ANKS1B: variants seen among roughly 807,000 people sequenced by gnomAD.
ANKS1B encodes the protein ankyrin repeat and sterile alpha motif domain containing 1B.
ANKS1B carries 36 observed loss-of-function variants against 148.3 expected under a neutral mutation model. The ratio of observed to expected loss-of-function variants is 0.24; its 90% CI spans 0.19 to 0.32. ANKS1B has a LOEUF of 0.32. ANKS1B is among the 10% of genes least tolerant of loss of function. The pLI is 1.00. For missense variants in ANKS1B, 1,157 were observed against 1,542.6 expected (o/e 0.75, Z 4.19); for synonymous variants, 542 against 560.8 (o/e 0.97, Z 0.47).
chr12:99,048,010 C>G (rs1423268452), intron 17 of ANKS1B, among the ~76,000 whole-genome samples: 1 of 152,068 alleles, frequency 6.6e-6, no homozygotes, highest in Non-Finnish European at 1.5e-5. Flanking sequence ...AATTTTTGAA[C>G]AAGGGGCCCT....
intron 15 of ANKS1B, among the ~76,000 whole-genome samples, chr12:99,150,797 G>C (rs1282545391): frequency 6.6e-6 from 1 of 152,018 alleles, no homozygotes. Context: ...AATGTCAGAA[G>C]GCATGGCAGC....
intron 8 of ANKS1B, among the ~76,000 whole-genome samples, chr12:99,720,635 A>T (rs1371212752): frequency 2.0e-5 from 3 of 152,168 alleles, no homozygotes; most frequent in Non-Finnish European, 4.4e-5. Flanking sequence ...CTTTTCTCAG[A>T]ATTCAGGCCT....
At chr12:99,179,212 A>C (rs1433893153) in intron 14 of ANKS1B, among the ~76,000 whole-genome samples, 1 of 151,822 alleles carries the variant, frequency 6.6e-6, no homozygotes, top group African/African-American at 2.4e-5. Context: ...GCGGATCACG[A>C]GGTCAGGAGA....
At chr12:99,340,274 A>G (rs1282064548) in intron 12 of ANKS1B, among the ~76,000 whole-genome samples, 1 of 152,140 alleles carries the variant, frequency 6.6e-6, no homozygotes, top group Non-Finnish European at 1.5e-5. Context: ...AGCTGCTCTC[A>G]GTGAACTGCT....
intron 8 of ANKS1B, among the ~76,000 whole-genome samples, chr12:99,771,803 A>T (rs529722325): frequency 2.6e-4 from 39 of 152,236 alleles, no homozygotes; most frequent in Non-Finnish European, 5.3e-4. Context: ...CAGGCCAAGG[A>T]GGTAGGACTA....
At chr12:99,238,135 C>T (rs111972947) in intron 14 of ANKS1B, among the ~76,000 whole-genome samples, 3,429 of 152,324 alleles carry the variant, frequency 0.023, 129 homozygotes, top group African/African-American at 0.078. Flanking sequence ...GGGGATTTCC[C>T]CTTCCTAGCC....
rs533781845 is a variant in ANKS1B, at chr12:98,751,558, C to T, written c.3580-36G>A. ...AATGAGAAAGCATTTGCTACTGGCA[C>T]ACTGCAAATTAGAATGGGTCGAATG... On this transcript the variant is annotated intron_variant, in intron 25 of 26. Coordinates refer to ENST00000683438, the MANE Select transcript of ANKS1B (RefSeq NM_001352186.2). The surrounding 1 kb of genome is among the most constrained non-coding windows in gnomAD (Gnocchi z 4.3). 3 of 1,604,478 alleles carry T rather than the reference C, an allele frequency of 1.9e-6. No individual in the cohort carries two copies. Among genetic ancestry groups the T allele is most frequent in the Non-Finnish European group, 8.5e-7 (1 of 1,172,904 alleles).
chr12:99,010,252 G>A (rs551590442), intron 17 of ANKS1B, among the ~76,000 whole-genome samples: 8 of 152,294 alleles, frequency 5.3e-5, no homozygotes, highest in East Asian at 3.9e-4. Flanking sequence ...TAATTTAACC[G>A]CTCTGTGCTT....
chr12:98,987,461 T>C (rs1016917402), intron 17 of ANKS1B, among the ~76,000 whole-genome samples: 25 of 152,046 alleles, frequency 1.6e-4, no homozygotes, highest in Non-Finnish European at 2.9e-4. Context: ...AGCAAAATAA[T>C]AACAACAACA....
chr12:98,933,042 G>A (rs1363863885), intron 17 of ANKS1B, among the ~76,000 whole-genome samples: 1 of 152,148 alleles, frequency 6.6e-6, no homozygotes, highest in African/African-American at 2.4e-5. Flanking sequence ...ATTGTTGACT[G>A]TAAGGACAAT....
intron 1 of ANKS1B, among the ~76,000 whole-genome samples, chr12:99,942,673 G>T (rs1215338021): frequency 6.6e-6 from 1 of 152,050 alleles, no homozygotes; most frequent in Non-Finnish European, 1.5e-5. Context: ...TAAAATACTT[G>T]ATGTATTCAT....
chr12:98,832,785 C>G (rs751079270), intron 17 of ANKS1B, among the ~76,000 whole-genome samples: 12 of 152,144 alleles, frequency 7.9e-5, no homozygotes, highest in Non-Finnish European at 1.5e-4. Context: ...TTATCACACT[C>G]TAAAAGCACT....
intron 1 of ANKS1B, among the ~76,000 whole-genome samples, chr12:99,983,049 A>C (rs2153867723): frequency 6.6e-6 from 1 of 152,322 alleles, no homozygotes; most frequent in South Asian, 2.1e-4. Context: ...GTTTTTAAAA[A>C]ACCAGGGAAA....
chr12:99,130,950 C>A (rs571778020), intron 15 of ANKS1B, among the ~76,000 whole-genome samples: 5 of 152,214 alleles, frequency 3.3e-5, no homozygotes, highest in Non-Finnish European at 7.3e-5. Context: ...AAGACCACTT[C>A]TGTGACATCA....
chr12:99,037,868 C>T (rs1487153689), intron 17 of ANKS1B, among the ~76,000 whole-genome samples: 1 of 152,154 alleles, frequency 6.6e-6, no homozygotes, highest in Non-Finnish European at 1.5e-5. Flanking sequence ...TATATCTACA[C>T]AAGGATGCTG....
At chr12:99,837,073 A>G (rs2084965144) in intron 1 of ANKS1B, among the ~76,000 whole-genome samples, 5 of 152,190 alleles carry the variant, frequency 3.3e-5, no homozygotes, top group Admixed American at 2.6e-4. Context: ...GCCCCATGTA[A>G]TTACAAGTGG....
At chr12:99,839,693 TG>T (rs1261676515) in intron 1 of ANKS1B, among the ~76,000 whole-genome samples, 1 of 152,134 alleles carries the variant, frequency 6.6e-6, no homozygotes, top group Non-Finnish European at 1.5e-5. Flanking sequence ...CGCTATCAAA[TG>T]AGTACTATAA....
chr12:99,776,112 T>G, intron 6 of ANKS1B, among the ~76,000 whole-genome samples: 1 of 152,228 alleles, frequency 6.6e-6, no homozygotes, highest in Non-Finnish European at 1.5e-5. Context: ...TGAAATGGAA[T>G]AAGTTCATTT....
intron 8 of ANKS1B, among the ~76,000 whole-genome samples, chr12:99,665,619 T>C (rs879293519): frequency 6.6e-6 from 1 of 152,060 alleles, no homozygotes; most frequent in Non-Finnish European, 1.5e-5. Context: ...CCCAAGTAGC[T>C]GGGACTACAG....
Sources: gnomAD v4.1 joint callset for allele counts (sites outside exome capture counted in the v4.1 genomes callset) on GRCh38, gnomAD v4.1.1 for gene constraint, Gnocchi (gnomAD v3.1) non-coding constraint, MANE v1.5 for transcripts, NCBI Gene and HGNC (gene_info 2026-07-23, HGNC 2026-07-21) for gene names.